Variants in SGK3 observed in about 807,000 individuals in gnomAD.
SGK3 encodes serine/threonine-protein kinase Sgk3.
In SGK3, 47 loss-of-function variants were observed where a neutral mutation model predicts 68.5. The ratio of observed to expected loss-of-function variants is 0.69; its 90% CI spans 0.54 to 0.87. The LOEUF is 0.87. Ranked by LOEUF, SGK3 falls within the 40% of genes least tolerant of loss-of-function variation. The pLI, the probability that SGK3 is intolerant of heterozygous loss-of-function variation, is 0.00. For synonymous variants in SGK3, 181 were observed against 189.1 expected (o/e 0.96, Z 0.35); for missense variants, 479 against 575.5 (o/e 0.83, Z 1.72).
chr8:66,787,002 A>G (rs1238365083), intron 1 of SGK3, among the ~76,000 whole-genome samples: 5 of 126,196 alleles, frequency 4.0e-5, no homozygotes, highest in Non-Finnish European at 7.7e-5. Flanking sequence ...CAGTAGCACC[A>G]TCTTGGCTCA....
intron 1 of SGK3, among the ~76,000 whole-genome samples, chr8:66,760,341 T>C (rs921825566): frequency 1.1e-4 from 16 of 145,104 alleles, no homozygotes; most frequent in Admixed American, 6.9e-4. Flanking sequence ...TTTTTTTTTT[T>C]TTTTTTTTTT....
intron 7 of SGK3, among the ~76,000 whole-genome samples, chr8:66,828,967 GGTGTGTGTGTGT>G (rs113679632): frequency 3.3e-5 from 4 of 119,576 alleles, no homozygotes; most frequent in East Asian, 2.3e-4. Flanking sequence ...GTGGGTGGGG[GGTGTGTGTGTGT>G]GTGTGTGTGT....
At position 66,781,668 on chromosome 8, in the gene SGK3, T is replaced by C. The variant is rs145061361; in HGVS notation, c.-121-11948T>C. 1.5e-4 allele frequency among the ~76,000 whole-genome samples: 23 copies of C among 152,370 alleles called. No homozygotes were observed. In the East Asian group the frequency reaches 3.5e-3, roughly 23 times the overall value. On this transcript the variant is annotated intron_variant, in intron 1 of 16. Transcript: ENST00000521198. ...TTCTTGGACACTCTTCTCAAGTTGT[T>C]GGTGCACAACACTCTTCTTCAATAT...
At chr8:66,822,329 G>T in intron 5 of SGK3, 43 bp from the exon 6 acceptor site, 4 of 1,559,482 alleles carry the variant, frequency 2.6e-6, no homozygotes, top group Non-Finnish European at 3.5e-6. Context: ...AAAGGCTGTA[G>T]AAATGCTTTT....
In SGK3 at chr8:66,835,808, A is replaced by G; in HGVS notation, c.571A>G (p.Lys191Glu). 1 of 1,612,112 alleles carries G rather than the reference A, an allele frequency of 6.2e-7. No individual in the cohort carries two copies. The highest frequency in any genetic ancestry group is 8.5e-7 in the Non-Finnish European group (1 of 1,179,568). The change falls in exon 9 of 17, where the codon AAA (lysine) becomes GAA (glutamate). Residue 191 changes from lysine (K) to glutamate (E), a missense_variant. Lys to Glu is a moderately conservative substitution (Grantham distance 56). Coordinates refer to ENST00000521198, the MANE Select transcript of SGK3 (RefSeq NM_001033578.3). ...ACTGGATGGAAAATTTTATGCTGTCAAAGTGTTACAGAAAAAAATAGTTCT... is the reference window on the plus strand; with the variant it reads ...ACTGGATGGAAAATTTTATGCTGTCGAAGTGTTACAGAAAAAAATAGTTCT... ...RKLDGKFYAV[K>E]VLQKKIVLNR...
intron 1 of SGK3, among the ~76,000 whole-genome samples, chr8:66,745,519 A>C (rs1805628010): frequency 6.6e-6 from 1 of 152,120 alleles, no homozygotes; most frequent in African/African-American, 2.4e-5. Flanking sequence ...GCTTGTAGTG[A>C]GCCGAGACCA....
chr8:66,742,521 C>T (rs1196125798), intron 1 of SGK3, among the ~76,000 whole-genome samples: 2 of 152,066 alleles, frequency 1.3e-5, no homozygotes, highest in East Asian at 3.9e-4. Context: ...TGTATGCCAC[C>T]ATGTCTGGCT....
intron 1 of SGK3, among the ~76,000 whole-genome samples, chr8:66,774,508 A>G (rs1806618603): frequency 6.6e-6 from 1 of 151,980 alleles, no homozygotes; most frequent in African/African-American, 2.4e-5. Context: ...ACTCAGATGC[A>G]TTAATAGTTA....
intron 10 of SGK3, among the ~76,000 whole-genome samples, chr8:66,836,506 T>G (rs2130710734): frequency 6.6e-6 from 1 of 152,204 alleles, no homozygotes; most frequent in African/African-American, 2.4e-5. Context: ...CTTGGCTCAG[T>G]GACTCGCACC....
chr8:66,797,760 C>T (rs951443937), intron 2 of SGK3, among the ~76,000 whole-genome samples: 7 of 151,980 alleles, frequency 4.6e-5, no homozygotes, highest in Non-Finnish European at 1.0e-4. Flanking sequence ...TTGTAAGTTC[C>T]AGGTAGTAAT....
intron 2 of SGK3, among the ~76,000 whole-genome samples, chr8:66,796,954 T>C (rs1160593757): frequency 3.3e-5 from 5 of 151,750 alleles, no homozygotes; most frequent in Non-Finnish European, 7.4e-5. Flanking sequence ...TTTTTTTTTT[T>C]TACCAATGGA....
chr8:66,793,676 G>T lies in SGK3; in HGVS notation c.-61G>T, dbSNP rs73691596. The T allele has an allele frequency of 3.9e-3, 5,927 of 1,520,772 alleles. 200 individuals carry two copies. The African/African-American group carries it at 0.07, about 18-fold the overall frequency. 94.2% of individuals were successfully genotyped at this position (1,520,772 alleles called of 1,614,324 possible). On this transcript the variant is annotated 5_prime_UTR_variant, in exon 2 of 17. Transcript: ENST00000521198. ...TTTTGTATTTTGGATTAGTTAATTG[G>T]GTTTGTCCTCTGCTGACTGTTTCTT...
intron 1 of SGK3, among the ~76,000 whole-genome samples, chr8:66,754,814 A>G (rs1185995663): frequency 6.6e-6 from 1 of 152,242 alleles, no homozygotes; most frequent in African/African-American, 2.4e-5. Context: ...TTTATATGCT[A>G]GTGATAAGCA....
intron 1 of SGK3, among the ~76,000 whole-genome samples, chr8:66,769,926 GTC>G (rs1188690199): frequency 6.6e-6 from 1 of 151,580 alleles, no homozygotes; most frequent in Non-Finnish European, 1.5e-5. Context: ...TAACATCTAT[GTC>G]AGTTGCAGGT....
chr8:66,750,377 C>T (rs1805777827), intron 1 of SGK3, among the ~76,000 whole-genome samples: 1 of 151,994 alleles, frequency 6.6e-6, no homozygotes, highest in Non-Finnish European at 1.5e-5. Flanking sequence ...TTATTTTGCC[C>T]CAGCCTGAGC....
rs367695776 is a variant in SGK3 at position 66,786,972 on chromosome 8, CTG to C, written c.-121-6642_-121-6641del. Among the ~76,000 whole-genome samples, 448 of 107,190 alleles carry C rather than the reference CTG, an allele frequency of 4.2e-3. 7 individuals carry two copies. The highest frequency in any genetic ancestry group is 0.016 in the African/African-American group (431 of 27,532). 70.3% of individuals were successfully genotyped at this position (107,190 alleles called of 152,430 possible). On this transcript the variant is annotated intron_variant, in intron 1 of 16. Coordinates refer to ENST00000521198, the MANE Select transcript of SGK3 (RefSeq NM_001033578.3). ...TTTTTTTTTGAGATGGAGTGTCACT[CTG>C]TAACCCAGGCTGGAGTGCAGTAGCA...
intron 1 of SGK3, among the ~76,000 whole-genome samples, chr8:66,726,187 C>T (rs978999629): frequency 6.6e-6 from 1 of 152,146 alleles, no homozygotes; most frequent in African/African-American, 2.4e-5. Context: ...TATTGAGTTT[C>T]TTCCGTATGC....
At chr8:66,834,178 G>T (rs1809414918) in intron 8 of SGK3, among the ~76,000 whole-genome samples, 1 of 151,948 alleles carries the variant, frequency 6.6e-6, no homozygotes, top group Non-Finnish European at 1.5e-5. Context: ...CTATCAGCAA[G>T]AGAGTAGATA....
intron 1 of SGK3, among the ~76,000 whole-genome samples, chr8:66,733,460 A>C (rs1221827249): frequency 6.6e-6 from 1 of 152,222 alleles, no homozygotes; most frequent in Non-Finnish European, 1.5e-5. Context: ...AGTCTTTTCT[A>C]ATCCTGTGAA....
Sources: allele counts gnomAD v4.1 joint callset (sites outside exome capture counted in the v4.1 genomes callset), GRCh38; gene constraint gnomAD v4.1.1; transcripts MANE v1.5; gene names NCBI Gene and HGNC (gene_info 2026-07-23, HGNC 2026-07-21).